PIGN: variants seen among roughly 807,000 people sequenced by gnomAD.
PIGN encodes phosphatidylinositol glycan anchor biosynthesis class N.
A neutral mutation model predicts 125.4 loss-of-function variants in PIGN; 117 were observed. That is an observed-to-expected ratio of 0.93 (90% CI 0.80 to 1.09). PIGN has a LOEUF of 1.09. Among genes scored for constraint, PIGN ranks in the 50% least tolerant of loss-of-function variants. The pLI is 0.00. For synonymous variants in PIGN, 392 were observed against 377.8 expected (o/e 1.04, Z -0.44); for missense variants, 1,075 against 1,094.9 (o/e 0.98, Z 0.26).
chr18:62,086,635 A>T (rs1350095878), intron 25 of PIGN, among the ~76,000 whole-genome samples: 91 of 132,446 alleles, frequency 6.9e-4, no homozygotes, highest in East Asian at 1.7e-3. Context: ...TTTTTTTTTT[A>T]AAAAGCCTGA....
At chr18:62,022,340 A>G (rs757694467) in intron 23 of PIGN, among the ~76,000 whole-genome samples, 9 of 152,232 alleles carry the variant, frequency 5.9e-5, no homozygotes, top group Non-Finnish European at 1.3e-4. Flanking sequence ...CTTAGTTAAT[A>G]AACAGATAAG....
Position 62,102,777 on chromosome 18 carries a change from G to T in PIGN, c.1968+17C>A. On this transcript the variant is annotated intron_variant, in intron 21 of 30. Coordinates refer to ENST00000640252, the MANE Select transcript of PIGN (RefSeq NM_176787.5). ...TATATCATTAGTATAACATAGTATT[G>T]AAAATCTGTAACTGACCTGTAACAG... 4 of 1,200,230 alleles carry T rather than the reference G, an allele frequency of 3.3e-6. No individual in the cohort carries two copies. The highest frequency in any genetic ancestry group is 4.8e-6 in the Non-Finnish European group (4 of 835,860). 74.3% of individuals were successfully genotyped at this position (1,200,230 alleles called of 1,614,324 possible). A position where few individuals can be genotyped will look rare whatever the true frequency, so the allele number is the denominator to read the frequency against.
chr18:62,125,129 TAC>T (rs1331105097), intron 14 of PIGN, among the ~76,000 whole-genome samples: 1 of 113,946 alleles, frequency 8.8e-6, no homozygotes, highest in African/African-American at 3.4e-5. Flanking sequence ...TATATAAATA[TAC>T]ACGTTTGTAC....
At chr18:62,083,452 T>C (rs758788329) in intron 27 of PIGN, among the ~76,000 whole-genome samples, 9 of 152,108 alleles carry the variant, frequency 5.9e-5, no homozygotes, top group Non-Finnish European at 8.8e-5. Flanking sequence ...CAAGGCAGCA[T>C]ACAGTTCTTT....
chr18:62,147,538 G>C (rs4941114), intron 8 of PIGN, among the ~76,000 whole-genome samples: 87,308 of 152,018 alleles, frequency 0.57, 25,805 homozygotes, highest in East Asian at 0.72. Flanking sequence ...CCACACAACT[G>C]AACAAGGTTC....
chr18:62,058,417 C>A (rs1024811838), intron 30 of PIGN, among the ~76,000 whole-genome samples: 3 of 152,172 alleles, frequency 2.0e-5, no homozygotes, highest in Admixed American at 2.0e-4. Flanking sequence ...CAGTTCATGG[C>A]CTTTTGCTAT....
chr18:62,151,215 G>A (rs552432757), intron 7 of PIGN, among the ~76,000 whole-genome samples: 1 of 152,174 alleles, frequency 6.6e-6, no homozygotes, highest in Non-Finnish European at 1.5e-5. Flanking sequence ...AGACAGGCAT[G>A]AGTGGGGCAA....
At chr18:62,040,474 G>A (rs1333272853), downstream of PIGN, among the ~76,000 whole-genome samples, 2 of 152,168 alleles carry the variant, frequency 1.3e-5, no homozygotes, top group Non-Finnish European at 2.9e-5. Context: ...CTCATGATTA[G>A]ACTGGGTTTA....
chr18:62,106,773 A>C lies in PIGN; in HGVS notation c.1767+16T>G. 1 of 1,561,308 alleles carries C rather than the reference A, an allele frequency of 6.4e-7. No homozygotes were observed. Among genetic ancestry groups the C allele is most frequent in the African/African-American group, 1.4e-5 (1 of 74,004 alleles). On this transcript the variant is annotated intron_variant, in intron 19 of 30. Coordinates refer to ENST00000640252, the MANE Select transcript of PIGN (RefSeq NM_176787.5). Reference sequence around the variant, plus strand: ...GTAGTTACTAATCTGTCCTATGTCAAAATGAGTACTCATACCTTTGCTCGA... The same window carrying C: ...GTAGTTACTAATCTGTCCTATGTCACAATGAGTACTCATACCTTTGCTCGA...
chr18:62,083,280 A>T (rs968623224), intron 27 of PIGN, among the ~76,000 whole-genome samples: 1 of 152,154 alleles, frequency 6.6e-6, no homozygotes, highest in African/African-American at 2.4e-5. Flanking sequence ...TTTATAAAAC[A>T]TTTGAAATAA....
At chr18:62,137,286 C>A in intron 14 of PIGN, 1 of 414,246 alleles carries the variant, frequency 2.4e-6, no homozygotes, top group South Asian at 1.2e-4. Context: ...GGCCTTTGGC[C>A]ACAGACTGAA....
At chr18:62,110,101 C>A in intron 16 of PIGN, 128 bp from the exon 17 acceptor site, 1 of 759,918 alleles carries the variant, frequency 1.3e-6, no homozygotes, top group Non-Finnish European at 2.1e-6. Context: ...GATGATTAAT[C>A]AAAGAGCTGC....
At chr18:62,094,995 C>G (rs2034117725) in intron 23 of PIGN, among the ~76,000 whole-genome samples, 1 of 152,102 alleles carries the variant, frequency 6.6e-6, no homozygotes, top group Admixed American at 6.6e-5. Flanking sequence ...AACTAAGTTT[C>G]CAAAAGGGAG....
At chr18:62,092,037 C>T (rs1051349033) in intron 23 of PIGN, among the ~76,000 whole-genome samples, 25 of 152,134 alleles carry the variant, frequency 1.6e-4, no homozygotes, top group African/African-American at 5.1e-4. Flanking sequence ...ACACTTTAAA[C>T]GCTATTACAA....
At chr18:62,105,854 A>G (rs1211199052) in intron 19 of PIGN, among the ~76,000 whole-genome samples, 2 of 152,238 alleles carry the variant, frequency 1.3e-5, no homozygotes, top group Non-Finnish European at 2.9e-5. Context: ...CAGGTATAGT[A>G]TTAGGTATAA....
chr18:62,064,369 T>C (rs1456999891), intron 30 of PIGN, among the ~76,000 whole-genome samples: 1 of 152,216 alleles, frequency 6.6e-6, no homozygotes, highest in Non-Finnish European at 1.5e-5. Context: ...CCTGATGAAG[T>C]AGCTATCTGT....
intron 14 of PIGN, among the ~76,000 whole-genome samples, chr18:62,133,760 T>C (rs899410443): frequency 3.3e-5 from 5 of 152,206 alleles, no homozygotes; most frequent in Non-Finnish European, 7.3e-5. Context: ...TGCCAATGAT[T>C]AGAATATCTA....
intron 23 of PIGN, among the ~76,000 whole-genome samples, chr18:62,030,353 G>A (rs954723263): frequency 1.3e-5 from 2 of 152,166 alleles, no homozygotes; most frequent in African/African-American, 2.4e-5. Flanking sequence ...CCTGGATCAG[G>A]TCATGGATGT....
At chr18:62,165,469 T>C (rs1437228784) in intron 1 of PIGN, among the ~76,000 whole-genome samples, 1 of 152,176 alleles carries the variant, frequency 6.6e-6, no homozygotes, top group South Asian at 2.1e-4. Context: ...GGTTTGAGCA[T>C]GTGAATGGTC....
Sources: allele counts gnomAD v4.1 joint callset (sites outside exome capture counted in the v4.1 genomes callset), GRCh38; gene constraint gnomAD v4.1.1; transcripts MANE v1.5; gene names NCBI Gene and HGNC (gene_info 2026-07-23, HGNC 2026-07-21).